The following GPRC6A variants were observed in gnomAD, a reference collection of about 807,000 sequenced individuals.
GPRC6A encodes the protein G protein-coupled receptor family C group 6 member A.
In GPRC6A, 54 loss-of-function variants were observed where a neutral mutation model predicts 47.0. The ratio of observed to expected loss-of-function variants is 1.15; its 90% confidence interval spans 0.92 to 1.44. The LOEUF (loss-of-function observed/expected upper bound fraction) is 1.44. GPRC6A is among the 40% of genes most tolerant of loss of function. The probability of loss-of-function intolerance (pLI) is 0.00; values close to 1 mark genes in which losing one functional copy is unlikely to be tolerated. For synonymous variants in GPRC6A, 347 were observed against 377.1 expected (o/e 0.92, Z 0.93); for missense variants, 1,112 against 1,105.5 (o/e 1.01, Z -0.08).
At chr6:116,819,034 CA>C (rs1773355239) in intron 1 of GPRC6A, among the ~76,000 whole-genome samples, 1 of 151,562 alleles carries the variant, frequency 6.6e-6, no homozygotes, top group Non-Finnish European at 1.5e-5. Flanking sequence ...AAATGGAAAA[CA>C]AAAAAAGGCA....
At chr6:116,820,065 A>G (rs949612797) in intron 1 of GPRC6A, among the ~76,000 whole-genome samples, 1 of 120,942 alleles carries the variant, frequency 8.3e-6, no homozygotes, top group African/African-American at 3.5e-5. Context: ...CTACCATCAG[A>G]GAATACTACA....
rs1772360936 is a variant in GPRC6A, at chr6:116,792,942, T to C, written c.1981A>G (p.Thr661Ala). 1 of 1,614,074 alleles carries C rather than the reference T, an allele frequency of 6.2e-7. No individual in the cohort carries two copies. The highest frequency in any genetic ancestry group is 1.7e-5 in the Admixed American group (1 of 59,978). ...CTCACTCCAAACATTGTCTGCCTGG[T>C]TTTACATGTGAAGTCTTGTGGTTCT... is the stretch of plus-strand genomic sequence containing the variant. ...IGEPQDFTCK[T>A]RQTMFGVSFT... The change falls in exon 6 of 6, where the codon ACC becomes GCC. Residue 661 changes from threonine (T) to alanine (A), a missense_variant. Coordinates refer to ENST00000310357, the MANE Select transcript of GPRC6A (RefSeq NM_148963.4).
Position 116,820,396 on chromosome 6 carries a change from A to G in GPRC6A, c.194+8424T>C, listed in dbSNP as rs1171691855. 3.3e-5 allele frequency among the ~76,000 whole-genome samples: 5 copies of G among 152,188 alleles called. No individual in the cohort carries two copies. The East Asian group carries it at 7.7e-4, about 24-fold the overall frequency. On this transcript the variant is annotated intron_variant, in intron 1 of 5. Coordinates refer to ENST00000310357, the MANE Select transcript of GPRC6A (RefSeq NM_148963.4). ...ATTCTGATACCAAAGCTGGGCAGAG[A>G]CACAACCAAAAAAGAGAATTTTAGA...
intron 2 of GPRC6A, among the ~76,000 whole-genome samples, chr6:116,808,648 A>C (rs1266659239): frequency 6.6e-6 from 1 of 152,080 alleles, no homozygotes; most frequent in Non-Finnish European, 1.5e-5. Flanking sequence ...TCAGATGGTC[A>C]TTTCTTTATC....
chr6:116,798,177 G>A (rs1389397993), intron 4 of GPRC6A, among the ~76,000 whole-genome samples: 3 of 152,142 alleles, frequency 2.0e-5, no homozygotes, highest in Non-Finnish European at 4.4e-5. Flanking sequence ...AAGTGTTAAG[G>A]AGAAAAATAA....
intron 1 of GPRC6A, among the ~76,000 whole-genome samples, chr6:116,820,965 G>A (rs1207739785): frequency 6.6e-6 from 1 of 152,016 alleles, no homozygotes; most frequent in East Asian, 1.9e-4. Flanking sequence ...AAACCCCATT[G>A]TCTAAGCCCA....
intron 1 of GPRC6A, among the ~76,000 whole-genome samples, chr6:116,826,531 A>C (rs1773680618): frequency 6.6e-6 from 1 of 151,764 alleles, no homozygotes; most frequent in South Asian, 2.1e-4. Context: ...AGACAAAAAC[A>C]AAACAAAAAC....
chr6:116,812,415 A>G (rs1013150007), intron 1 of GPRC6A, among the ~76,000 whole-genome samples: 1 of 152,188 alleles, frequency 6.6e-6, no homozygotes, highest in African/African-American at 2.4e-5. Context: ...CATGGTGAAA[A>G]CACAAGAAAG....
intron 1 of GPRC6A, among the ~76,000 whole-genome samples, chr6:116,811,070 T>C (rs1001606879): frequency 2.6e-5 from 4 of 152,164 alleles, no homozygotes; most frequent in Non-Finnish European, 5.9e-5. Context: ...ACTTAGCCCA[T>C]TGCTAACACC....
At chr6:116,819,177 A>T (rs1396083123) in intron 1 of GPRC6A, among the ~76,000 whole-genome samples, 1 of 151,974 alleles carries the variant, frequency 6.6e-6, no homozygotes, top group Non-Finnish European at 1.5e-5. Flanking sequence ...ATATATATGC[A>T]CCCAACACAG....
At position 116,792,277 on chromosome 6, in the gene GPRC6A, A is replaced by AT; in HGVS notation, c.2645dup (p.Asn882LysfsTer5). 1 of 1,613,980 alleles carries AT rather than the reference A, an allele frequency of 6.2e-7. No individual in the cohort carries two copies. ...TTGCAGACTTGCCACTAGAGCTGGG[A>AT]TTGGTCATTGTGACATTGCCGCTCA... On this transcript the variant is annotated frameshift_variant, in exon 6 of 6. Coordinates refer to ENST00000310357, the MANE Select transcript of GPRC6A (RefSeq NM_148963.4). LOFTEE classifies it low-confidence loss of function (END_TRUNC).
In GPRC6A at chr6:116,801,891, G is replaced by T. The variant is rs181535680; in HGVS notation, c.1336-1095C>A. Among the ~76,000 whole-genome samples, 542 of 152,052 alleles carry T rather than the reference G, an allele frequency of 3.6e-3. 3 individuals are homozygous for T. Among genetic ancestry groups the T allele is most frequent in the African/African-American group, 0.012 (517 of 41,478 alleles). On this transcript the variant is annotated intron_variant, in intron 3 of 5. Coordinates refer to ENST00000310357, the MANE Select transcript of GPRC6A (RefSeq NM_148963.4). ...CTAACAAAATTTTATTCTAGCAATT[G>T]CCTGGAAGAAAAAAAAGAGGAGAGA...
intron 5 of GPRC6A, among the ~76,000 whole-genome samples, 197 bp downstream of exon 5, chr6:116,795,515 T>G (rs1250734336): frequency 6.6e-6 from 1 of 152,174 alleles, no homozygotes; most frequent in African/African-American, 2.4e-5. Context: ...ATCTCTATTA[T>G]TTATTTGCTG....
chr6:116,812,624 A>G (rs1235221087), intron 1 of GPRC6A, among the ~76,000 whole-genome samples: 1 of 152,174 alleles, frequency 6.6e-6, no homozygotes, highest in Non-Finnish European at 1.5e-5. Context: ...TTCCCCTCTT[A>G]AGAGACATAG....
intron 1 of GPRC6A, among the ~76,000 whole-genome samples, 174 bp downstream of exon 1, chr6:116,828,645 AG>A (rs1314899652): frequency 6.6e-6 from 1 of 152,126 alleles, no homozygotes; most frequent in Non-Finnish European, 1.5e-5. Context: ...TTATACATAG[AG>A]GGCTGTTATA....
chr6:116,795,320 A>G (rs1772444866), intron 5 of GPRC6A, among the ~76,000 whole-genome samples: 1 of 152,120 alleles, frequency 6.6e-6, no homozygotes, highest in Non-Finnish European at 1.5e-5. Context: ...GGTTTCTATT[A>G]TGTTTAGTTA....
At chr6:116,819,692 G>A (rs1435268295) in intron 1 of GPRC6A, among the ~76,000 whole-genome samples, 1 of 152,072 alleles carries the variant, frequency 6.6e-6, no homozygotes, top group Non-Finnish European at 1.5e-5. Context: ...CAGAGTCTCT[G>A]GGACACATTC....
chr6:116,795,555 C>A (rs116492455), intron 5 of GPRC6A, among the ~76,000 whole-genome samples, 157 bp downstream of exon 5: 1 of 151,852 alleles, frequency 6.6e-6, no homozygotes, highest in South Asian at 2.1e-4. Flanking sequence ...GAGCAAATTC[C>A]AAGATAAAAT....
chr6:116,824,743 G>A (rs1396493036), intron 1 of GPRC6A, among the ~76,000 whole-genome samples: 5 of 151,936 alleles, frequency 3.3e-5, no homozygotes, highest in African/African-American at 7.2e-5. Context: ...CTCATTCTAT[G>A]AGGCCAGCAT....
Sources: gnomAD v4.1 joint callset for allele counts (sites outside exome capture counted in the v4.1 genomes callset) on GRCh38, gnomAD v4.1.1 for gene constraint, MANE v1.5 for transcripts, NCBI Gene and HGNC (gene_info 2026-07-23, HGNC 2026-07-21) for gene names.